The following ENOX2 variants were observed in gnomAD, a reference collection of about 807,000 sequenced individuals.
ENOX2 encodes the protein APK1 antigen.
In ENOX2, 36 loss-of-function variants were observed where a neutral mutation model predicts 45.0. The ratio of observed to expected loss-of-function variants is 0.80; its 90% CI spans 0.61 to 1.06. ENOX2 has a LOEUF of 1.06. ENOX2 is among the 50% of genes least tolerant of loss of function. The probability of loss-of-function intolerance (pLI) is 0.00; values close to 1 mark genes in which losing one functional copy is unlikely to be tolerated. For missense variants in ENOX2, 423 were observed against 462.5 expected (o/e 0.91, Z 0.78); for synonymous variants, 174 against 152.3 (o/e 1.14, Z -1.05).
At chrX:130,793,023 G>C (rs886562187) in intron 2 of ENOX2, among the ~76,000 whole-genome samples, 1 of 112,067 alleles carries the variant, frequency 8.9e-6, no homozygotes, top group African/African-American at 3.2e-5. Flanking sequence ...CTTACTAGGT[G>C]TGCCACTTAC....
At chrX:130,666,907 A>T (rs2036848186) in intron 8 of ENOX2, among the ~76,000 whole-genome samples, 1 of 112,152 alleles carries the variant, frequency 8.9e-6, no homozygotes, top group Non-Finnish European at 1.9e-5. Flanking sequence ...GTAAACAAAA[A>T]ATTACTTGAT....
chrX:130,879,704 A>G (rs1175744586), intron 2 of ENOX2, among the ~76,000 whole-genome samples: 1 of 112,163 alleles, frequency 8.9e-6, no homozygotes, highest in African/African-American at 3.2e-5. Context: ...TTATGTAAAT[A>G]TCTTAGCATA....
chrX:130,633,241 A>G (rs2148019283), intron 12 of ENOX2, among the ~76,000 whole-genome samples: 1 of 111,687 alleles, frequency 9.0e-6, no homozygotes, highest in South Asian at 3.8e-4. Flanking sequence ...AAGAAACCCA[A>G]ACAAAAGCAA....
intron 3 of ENOX2, among the ~76,000 whole-genome samples, chrX:130,774,556 T>G (rs1042425336): frequency 8.9e-6 from 1 of 112,249 alleles, no homozygotes; most frequent in Admixed American, 9.4e-5. Flanking sequence ...AGGTGTTCCA[T>G]AGGTATTAGC....
At chrX:130,661,998 A>C (rs1320980942) in intron 9 of ENOX2, among the ~76,000 whole-genome samples, 1 of 111,974 alleles carries the variant, frequency 8.9e-6, no homozygotes, top group Non-Finnish European at 1.9e-5. Context: ...GTTTTTACAC[A>C]TTATCAAAGC....
At chrX:130,752,842 T>A (rs1328330223) in intron 3 of ENOX2, among the ~76,000 whole-genome samples, 1 of 111,036 alleles carries the variant, frequency 9.0e-6, no homozygotes, top group East Asian at 2.8e-4. Flanking sequence ...GTCTTTTCTA[T>A]CTTGCTGTCT....
chrX:130,654,332 G>C (rs2036485867), intron 10 of ENOX2, among the ~76,000 whole-genome samples: 1 of 110,392 alleles, frequency 9.1e-6, no homozygotes, highest in Non-Finnish European at 1.9e-5. Flanking sequence ...GCACTCCAAG[G>C]AAAGATAACT....
intron 9 of ENOX2, among the ~76,000 whole-genome samples, chrX:130,658,264 A>T (rs1285403596): frequency 9.0e-6 from 1 of 111,504 alleles, no homozygotes; most frequent in Admixed American, 9.6e-5. Context: ...AAATAACCAG[A>T]CGAGCCTAAA....
chrX:130,703,765 C>G (rs947226436), intron 3 of ENOX2, among the ~76,000 whole-genome samples: 1 of 111,623 alleles, frequency 9.0e-6, no homozygotes, highest in Non-Finnish European at 1.9e-5. Flanking sequence ...GAGCTGGACA[C>G]ACAATCAGCA....
intron 2 of ENOX2, among the ~76,000 whole-genome samples, chrX:130,800,113 A>G (rs1312735303): frequency 9.0e-6 from 1 of 111,099 alleles, no homozygotes; most frequent in Admixed American, 9.6e-5. Context: ...CCAGTATGGT[A>G]GGAATAAATT....
intron 3 of ENOX2, among the ~76,000 whole-genome samples, chrX:130,742,517 A>T (rs1205658711): frequency 9.0e-6 from 1 of 110,499 alleles, no homozygotes; most frequent in Non-Finnish European, 1.9e-5. Context: ...TGATTTCTGG[A>T]TAAAGGCATA....
intron 2 of ENOX2, among the ~76,000 whole-genome samples, chrX:130,844,104 G>A (rs1222694583): frequency 1.8e-5 from 2 of 112,216 alleles, no homozygotes; most frequent in African/African-American, 6.5e-5. Context: ...CAAAACAGTG[G>A]ACTCCAGAGA....
chrX:130,666,766 G>A (rs1221205336), intron 8 of ENOX2, among the ~76,000 whole-genome samples: 1 of 111,822 alleles, frequency 8.9e-6, no homozygotes, highest in African/African-American at 3.3e-5. Flanking sequence ...TATGAGTCAA[G>A]TACAGGGAAG....
At chrX:130,741,934 A>G (rs2038991892) in intron 3 of ENOX2, among the ~76,000 whole-genome samples, 1 of 112,296 alleles carries the variant, frequency 8.9e-6, no homozygotes, top group African/African-American at 3.2e-5. Context: ...ATGCCAAATC[A>G]AGTGTTTTCA....
At chrX:130,766,879 C>A (rs983200352) in intron 3 of ENOX2, among the ~76,000 whole-genome samples, 1 of 112,023 alleles carries the variant, frequency 8.9e-6, no homozygotes, top group Non-Finnish European at 1.9e-5. Context: ...GTGCTATTTT[C>A]TCCATTTTAC....
At chrX:130,783,450 C>A in intron 3 of ENOX2, 97 bp downstream of exon 3, 1 of 279,314 alleles carries the variant, frequency 3.6e-6, no homozygotes, top group Non-Finnish European at 6.7e-6. Flanking sequence ...TTAGTTCCTA[C>A]AAGCTCTAGC....
chrX:130,736,896 C>T (rs964548803), intron 3 of ENOX2, among the ~76,000 whole-genome samples: 2 of 111,476 alleles, frequency 1.8e-5, no homozygotes, highest in Non-Finnish European at 3.8e-5. Context: ...TACATAGGGC[C>T]ACCTTATCCA....
Position 130,623,506 on chromosome X carries a change from CT to C in ENOX2, c.*1807del, listed in dbSNP as rs1188507599. On this transcript the variant is annotated 3_prime_UTR_variant, in exon 15 of 15. Transcript: ENST00000394363. ...GTATTAAACCCCGCATGCATTAGCT[CT>C]TTTTCCTACTGCTCTCCCCTAAAAA... The C allele has an allele frequency of 9.0e-6, 1 of 111,290 alleles. No homozygotes were observed. The highest frequency in any genetic ancestry group is 2.8e-4 in the East Asian group (1 of 3,572). 9.2% of individuals were successfully genotyped at this position (111,290 alleles called of 1,213,427 possible). A position where few individuals can be genotyped will look rare whatever the true frequency, so the allele number is the denominator to read the frequency against.
chrX:130,793,263 T>A (rs960270926), intron 2 of ENOX2, among the ~76,000 whole-genome samples: 4 of 112,672 alleles, frequency 3.6e-5, no homozygotes, highest in African/African-American at 1.3e-4. Context: ...AATAAGAACA[T>A]TTGAGTAGTG....
Sources: gnomAD v4.1 joint callset for allele counts (sites outside exome capture counted in the v4.1 genomes callset) on GRCh38, gnomAD v4.1.1 for gene constraint, MANE v1.5 for transcripts, NCBI Gene and HGNC (gene_info 2026-07-23, HGNC 2026-07-21) for gene names.